Variants in AK8 observed in about 807,000 individuals in gnomAD.
AK8 encodes ATP-AMP transphosphorylase 8.
Under a neutral mutation model 54.6 loss-of-function variants are expected in AK8, and 44 were observed. The ratio of observed to expected loss-of-function variants is 0.81; its 90% CI spans 0.63 to 1.04. The LOEUF (loss-of-function observed/expected upper bound fraction) is 1.04, where lower values mean the gene tolerates loss of function less well. AK8 is among the 50% of genes least tolerant of loss of function. AK8 has a pLI of 0.00. For missense variants in AK8, 555 were observed against 613.6 expected (o/e 0.90, Z 1.01); for synonymous variants, 239 against 245.6 (o/e 0.97, Z 0.25).
At chr9:132,779,587 G>A (rs1038200798) in intron 11 of AK8, among the ~76,000 whole-genome samples, 2 of 152,228 alleles carry the variant, frequency 1.3e-5, no homozygotes, top group African/African-American at 2.4e-5. Context: ...GGGCACTCAC[G>A]TGCAGAGCAG....
intron 5 of AK8, among the ~76,000 whole-genome samples, chr9:132,845,811 C>T (rs1420844415): frequency 3.3e-5 from 5 of 151,022 alleles, no homozygotes; most frequent in Non-Finnish European, 7.4e-5. Flanking sequence ...TATTCTAGAT[C>T]ACTGAGGGCA....
intron 9 of AK8, among the ~76,000 whole-genome samples, chr9:132,817,414 GAC>G (rs1206137061): frequency 6.6e-6 from 1 of 152,114 alleles, no homozygotes; most frequent in Admixed American, 6.5e-5. Context: ...GATCGGGGAT[GAC>G]ACACATGTCA....
chr9:132,749,565 C>T (rs1453341311), intron 11 of AK8, among the ~76,000 whole-genome samples: 2 of 152,054 alleles, frequency 1.3e-5, no homozygotes, highest in South Asian at 2.1e-4. Context: ...AGGCAGCTTG[C>T]CCCGATATCG....
At chr9:132,854,569 C>T (rs1462810911) in intron 5 of AK8, among the ~76,000 whole-genome samples, 1 of 152,250 alleles carries the variant, frequency 6.6e-6, no homozygotes, top group African/African-American at 2.4e-5. Context: ...GTTGCCTTAC[C>T]CTCCCATGCT....
At chr9:132,820,178 A>C (rs1313635202) in intron 9 of AK8, among the ~76,000 whole-genome samples, 1 of 149,954 alleles carries the variant, frequency 6.7e-6, no homozygotes, top group East Asian at 2.0e-4. Flanking sequence ...AAGGGAAGGA[A>C]GGAAGGAAGG....
intron 2 of AK8, among the ~76,000 whole-genome samples, chr9:132,868,199 G>T (rs141809398): frequency 0.017 from 2,608 of 152,320 alleles, 46 homozygotes; most frequent in Non-Finnish European, 0.027. Context: ...GAGGAGAGAG[G>T]TGCTGTATCT....
intron 5 of AK8, among the ~76,000 whole-genome samples, chr9:132,840,941 T>G (rs770510973): frequency 2.9e-4 from 44 of 152,074 alleles, no homozygotes; most frequent in Non-Finnish European, 4.7e-4. Context: ...AGCCCAGGTA[T>G]GAAGAAGTAG....
At chr9:132,861,108 A>T (rs1477024737) in intron 4 of AK8, among the ~76,000 whole-genome samples, 1 of 152,138 alleles carries the variant, frequency 6.6e-6, no homozygotes, top group African/African-American at 2.4e-5. Context: ...TTCACAACAA[A>T]CACTTAAAAA....
Position 132,826,431 on chromosome 9 carries a change from G to A in AK8, c.757+423C>T, listed in dbSNP as rs914647533. On this transcript the variant is annotated intron_variant, in intron 8 of 12. Transcript: ENST00000298545. The surrounding 1 kb of genome is among the most constrained non-coding windows in gnomAD (Gnocchi z 4.5). ...AAATGAAGCATACCACCTGTGCTGT[G>A]TGTGTGTGTTTTATTGTGTTGTGTG... 4.6e-5 allele frequency among the ~76,000 whole-genome samples: 7 copies of A among 152,244 alleles called. No individual in the cohort carries two copies. The highest frequency in any genetic ancestry group is 1.0e-4 in the Non-Finnish European group (7 of 68,048).
chr9:132,801,293 A>G (rs1840446542), intron 10 of AK8, among the ~76,000 whole-genome samples: 1 of 152,244 alleles, frequency 6.6e-6, no homozygotes, highest in Non-Finnish European at 1.5e-5. Context: ...ACATTCTTCT[A>G]TAAACAACTG....
intron 11 of AK8, among the ~76,000 whole-genome samples, chr9:132,776,270 G>A (rs1355037251): frequency 1.3e-5 from 2 of 152,176 alleles, no homozygotes; most frequent in Admixed American, 1.3e-4. Flanking sequence ...TCGAGCCCAG[G>A]GGTGCACCTC....
chr9:132,727,324 AT>A (rs1836622974), intron 12 of AK8, 129 bp downstream of exon 12: 1 of 850,530 alleles, frequency 1.2e-6, no homozygotes, highest in Non-Finnish European at 2.0e-6. Flanking sequence ...GATAAAGTCC[AT>A]TTTGATAATC....
chr9:132,860,635 C>G lies in AK8; in HGVS notation c.333+3030G>C, dbSNP rs572305013. ...TCTCTGGCTGGTCTCAGGTTGGAAG[C>G]AGGAACAAAAACTAGAGACACTGCC... On this transcript the variant is annotated intron_variant, in intron 4 of 12. Transcript: ENST00000298545. The surrounding 1 kb of genome is among the most constrained non-coding windows in gnomAD (Gnocchi z 4.4). Among the ~76,000 whole-genome samples the G allele has an allele frequency of 6.6e-6, 1 of 152,306 alleles. No individual in the cohort carries two copies. Among genetic ancestry groups the G allele is most frequent in the Non-Finnish European group, 1.5e-5 (1 of 68,028 alleles).
rs1837199610 is a variant in AK8, at chr9:132,738,057, C to A, written c.1122-10523G>T. Among the ~76,000 whole-genome samples the A allele has an allele frequency of 3.5e-5, 5 of 144,322 alleles. No homozygotes were observed. In the South Asian group the frequency reaches 1.1e-3, roughly 32 times the overall value. 94.7% of individuals were successfully genotyped at this position (144,322 alleles called of 152,430 possible). A position where few individuals can be genotyped will look rare whatever the true frequency, so the allele number is the denominator to read the frequency against. On this transcript the variant is annotated intron_variant, in intron 11 of 12. Coordinates refer to ENST00000298545, the MANE Select transcript of AK8 (RefSeq NM_152572.3). The stretch of plus-strand genomic sequence containing the variant: ...CACAAGATTTCCCATTGCTGAATTA[C>A]TTTTTTTTTTTTTTGAGACAGAGTC...
intron 11 of AK8, among the ~76,000 whole-genome samples, chr9:132,779,512 C>G (rs946119564): frequency 7.2e-5 from 11 of 152,290 alleles, no homozygotes; most frequent in African/African-American, 2.6e-4. Context: ...TATGTGAGAA[C>G]AGGCGAGAAG....
upstream of AK8, chr9:132,878,453 A>G (rs1443735992): frequency 4.9e-6 from 6 of 1,222,112 alleles, no homozygotes; most frequent in Middle Eastern, 3.2e-4. The surrounding 1 kb of genome is among the most constrained non-coding windows in gnomAD (Gnocchi z 4.7). Flanking sequence ...TCTTTCCCCA[A>G]CCCCGGCCTC....
At chr9:132,869,849 C>A (rs1297989984) in intron 2 of AK8, among the ~76,000 whole-genome samples, 1 of 145,814 alleles carries the variant, frequency 6.9e-6, no homozygotes, top group African/African-American at 2.5e-5. Flanking sequence ...GAGCCTTGGG[C>A]CACGAGGCAG....
rs1838929817 is a variant in AK8 at position 132,770,664 on chromosome 9, A to C, written c.1121+21970T>G. The stretch of plus-strand genomic sequence containing the variant: ...GCGCGGTGGGCAGCGGGCTGGGCCG[A>C]GATCGAGACCGGGACAAGGCAGGGA... On this transcript the variant is annotated intron_variant, in intron 11 of 12. Coordinates refer to ENST00000298545, the MANE Select transcript of AK8 (RefSeq NM_152572.3). The surrounding 1 kb of genome is among the most constrained non-coding windows in gnomAD (Gnocchi z 4.3). Among the ~76,000 whole-genome samples, 1 of 152,154 alleles carries C rather than the reference A, an allele frequency of 6.6e-6. No individual in the cohort carries two copies. Among genetic ancestry groups the C allele is most frequent in the African/African-American group, 2.4e-5 (1 of 41,446 alleles).
chr9:132,751,560 C>T (rs1210892944), intron 11 of AK8, among the ~76,000 whole-genome samples: 1 of 150,462 alleles, frequency 6.6e-6, no homozygotes, highest in African/African-American at 2.4e-5. Flanking sequence ...AAAACAACTT[C>T]TGGGTTTTGT....
Sources: gnomAD v4.1 joint callset for allele counts (sites outside exome capture counted in the v4.1 genomes callset) on GRCh38, gnomAD v4.1.1 for gene constraint, Gnocchi (gnomAD v3.1) non-coding constraint, MANE v1.5 for transcripts, NCBI Gene and HGNC (gene_info 2026-07-23, HGNC 2026-07-21) for gene names.